The following WDFY4 variants were observed in gnomAD, a reference collection of about 807,000 sequenced individuals.
WDFY4 encodes WD repeat- and FYVE domain-containing protein 4.
A neutral mutation model predicts 351.9 loss-of-function variants in WDFY4; 169 were observed. That is an observed-to-expected ratio of 0.48 (90% CI 0.42 to 0.55). WDFY4 has a LOEUF of 0.55. Among genes scored for constraint, WDFY4 ranks in the 20% least tolerant of loss-of-function variants. WDFY4 has a pLI of 0.00. For synonymous variants in WDFY4, 1,622 were observed against 1,574.6 expected, an observed-to-expected ratio of 1.03 and a Z score of -0.71; for missense variants, 3,803 against 3,935.6, an observed-to-expected ratio of 0.97 and a Z score of 0.90.
At chr10:48,754,151 T>C (rs2065261828) in intron 12 of WDFY4, among the ~76,000 whole-genome samples, 1 of 152,178 alleles carries the variant, frequency 6.6e-6, no homozygotes, top group Non-Finnish European at 1.5e-5. Flanking sequence ...AATATGCTGT[T>C]GAATTTAGTT....
chr10:48,836,156 G>T (rs1444798168), intron 39 of WDFY4, among the ~76,000 whole-genome samples: 1 of 152,156 alleles, frequency 6.6e-6, no homozygotes, highest in Non-Finnish European at 1.5e-5. Flanking sequence ...TTGCCCTGGG[G>T]TCTGTTTAAT....
At chr10:48,926,843 T>C (rs567268543) in intron 47 of WDFY4, among the ~76,000 whole-genome samples, 1 of 152,324 alleles carries the variant, frequency 6.6e-6, no homozygotes, top group African/African-American at 2.4e-5. Flanking sequence ...TTCATAGGCA[T>C]GTGTCCCCAA....
At chr10:48,929,249 A>AGAAG (rs771203720) in intron 47 of WDFY4, among the ~76,000 whole-genome samples, 14 of 152,072 alleles carry the variant, frequency 9.2e-5, no homozygotes, top group African/African-American at 1.7e-4. Flanking sequence ...AGAGGAAGAA[A>AGAAG]GAAGGAAGGA....
At chr10:48,787,910 T>TTCTTCC (rs2066509247) in intron 20 of WDFY4, among the ~76,000 whole-genome samples, 2 of 40,782 alleles carry the variant, frequency 4.9e-5, no homozygotes, top group Non-Finnish European at 9.0e-5. Context: ...CTTCTTCTTC[T>TTCTTCC]TCTTCTTCTT....
At chr10:48,771,239 G>A (rs1262202195) in intron 13 of WDFY4, among the ~76,000 whole-genome samples, 1 of 151,004 alleles carries the variant, frequency 6.6e-6, no homozygotes, top group Admixed American at 6.6e-5. Flanking sequence ...CTACAAAACT[G>A]TGTTAGCTAC....
intron 9 of WDFY4, among the ~76,000 whole-genome samples, chr10:48,733,642 A>G (rs909280844): frequency 6.6e-5 from 10 of 152,214 alleles, no homozygotes; most frequent in Non-Finnish European, 1.5e-4. Flanking sequence ...AATGCAAATT[A>G]TAGAACCCCA....
chr10:48,717,456 A>G (rs913156218), intron 2 of WDFY4, among the ~76,000 whole-genome samples: 7 of 152,256 alleles, frequency 4.6e-5, no homozygotes, highest in African/African-American at 1.2e-4. Flanking sequence ...ACAAACCAGT[A>G]TATAATAAAT....
chr10:48,951,439 T>C (rs1286690473), intron 51 of WDFY4, among the ~76,000 whole-genome samples: 1 of 152,130 alleles, frequency 6.6e-6, no homozygotes, highest in African/African-American at 2.4e-5. Flanking sequence ...TTTTGAGACA[T>C]GGTCTTGCTC....
rs551032933 is a variant in WDFY4 at position 48,845,126 on chromosome 10, A to G, written c.6663+12417A>G. On this transcript the variant is annotated intron_variant, in intron 39 of 61. Transcript: ENST00000325239. ...GAGAGGCCCATGTGGCTGGGCACAG[A>G]CACCCCTTGGGGGAGTGGGAGTGGC... Among the ~76,000 whole-genome samples, 5 of 152,310 alleles carry G rather than the reference A, an allele frequency of 3.3e-5. No individual in the cohort carries two copies. The East Asian group carries it at 7.7e-4, about 24-fold the overall frequency.
At chr10:48,959,575 G>A (rs1022743097) in intron 52 of WDFY4, 147 bp from the exon 53 acceptor site, 24 of 734,222 alleles carry the variant, frequency 3.3e-5, no homozygotes, top group Non-Finnish European at 5.2e-5. Context: ...AGGCAGAGAA[G>A]ATTGAAAGCA....
chr10:48,969,206 T>A lies in WDFY4; in HGVS notation c.8727T>A (p.Phe2909Leu), dbSNP rs1386696098. The A allele has an allele frequency of 1.9e-6, 3 of 1,551,620 alleles. No individual in the cohort carries two copies. The African/African-American group carries it at 4.1e-5, about 21-fold the overall frequency. The change falls in exon 56 of 62, where the codon TTT (phenylalanine) becomes TTA (leucine). Residue 2909 changes from phenylalanine to leucine, a missense_variant. Around this residue, in one of 3 missense-constraint regions of WDFY4, gnomAD observed 3,054 missense variants for 3,148.6 expected, o/e 0.97. Transcript: ENST00000325239. ...GGAACAGGACCTTCAGCTGGGGCTTTGATGACTTCAGCTGCTGCTTGGGGA... is the reference window on the plus strand; with the variant it reads ...GGAACAGGACCTTCAGCTGGGGCTTAGATGACTTCAGCTGCTGCTTGGGGA... Reference protein sequence around the residue: ...PLWNRTFSWGFDDFSCCLGSY... With the variant: ...PLWNRTFSWGLDDFSCCLGSY...
At chr10:48,974,502 CAAAAAAAAAAAA>C (rs553826473) in intron 57 of WDFY4, among the ~76,000 whole-genome samples, 3 of 10,394 alleles carry the variant, frequency 2.9e-4, no homozygotes, top group Admixed American at 1.3e-3. Flanking sequence ...GACTCCGTCT[CAAAAAAAAAAAA>C]AAAAAAAAAA....
intron 11 of WDFY4, among the ~76,000 whole-genome samples, chr10:48,737,364 A>T (rs2132380449): frequency 6.6e-6 from 1 of 152,354 alleles, no homozygotes; most frequent in East Asian, 1.9e-4. Context: ...AATTAAAAAA[A>T]AAAGTGAAGT....
chr10:48,911,615 TG>T (rs1446278471), intron 47 of WDFY4, among the ~76,000 whole-genome samples: 1 of 152,194 alleles, frequency 6.6e-6, no homozygotes, highest in Non-Finnish European at 1.5e-5. Flanking sequence ...GGTAACAGCA[TG>T]GGTTTCAAAG....
intron 50 of WDFY4, 51 bp from the exon 51 acceptor site, chr10:48,946,809 C>T (rs949250146): frequency 1.8e-5 from 24 of 1,324,920 alleles, no homozygotes; most frequent in Admixed American, 1.8e-4. Context: ...ATATCTGCCA[C>T]GTGTGAGTGC....
At chr10:48,818,408 A>C (rs987368114) in intron 32 of WDFY4, among the ~76,000 whole-genome samples, 1 of 152,210 alleles carries the variant, frequency 6.6e-6, no homozygotes, top group African/African-American at 2.4e-5. Flanking sequence ...GGCAGCCTCC[A>C]TCTCCTGAAA....
Position 48,800,670 on chromosome 10 carries a change from GTTTCTTTCTTTCTTTC to G in WDFY4, c.4411-2579_4411-2564del, listed in dbSNP as rs59039598. Among the ~76,000 whole-genome samples, 598 of 115,276 alleles carry G rather than the reference GTTTCTTTCTTTCTTTC, an allele frequency of 5.2e-3. 11 individuals are homozygous for G. Among genetic ancestry groups the G allele is most frequent in the African/African-American group, 0.016 (462 of 28,996 alleles). 75.6% of individuals were successfully genotyped at this position (115,276 alleles called of 152,430 possible). A position where few individuals can be genotyped will look rare whatever the true frequency, so the allele number is the denominator to read the frequency against. On this transcript the variant is annotated intron_variant, in intron 24 of 61. Coordinates refer to ENST00000325239, the MANE Select transcript of WDFY4 (RefSeq NM_001394531.1). ...GTGGGCTTCTAAGTCTTAGGTTTTG[GTTTCTTTCTTTCTTTC>G]TTTCTTTCTTTCTTTCTTTCTTTCT...
chr10:48,703,470 G>T (rs550419290), intron 1 of WDFY4, among the ~76,000 whole-genome samples: 1 of 152,226 alleles, frequency 6.6e-6, no homozygotes, highest in Admixed American at 6.5e-5. Context: ...TGCAGAGGCT[G>T]ACAAGAAATG....
At chr10:48,901,348 T>C (rs1837343083) in intron 46 of WDFY4, among the ~76,000 whole-genome samples, 1 of 152,226 alleles carries the variant, frequency 6.6e-6, no homozygotes, top group Non-Finnish European at 1.5e-5. Flanking sequence ...ACAAAGTTTT[T>C]CACAGTTGAT....
Sources: gnomAD v4.1 joint callset for allele counts (sites outside exome capture counted in the v4.1 genomes callset) on GRCh38, gnomAD v4.1.1 for gene constraint, gnomAD v4.1.1 regional missense constraint, MANE v1.5 for transcripts, NCBI Gene and HGNC (gene_info 2026-07-23, HGNC 2026-07-21) for gene names.